Variants in RIMS2 observed in about 807,000 individuals in gnomAD.
The protein encoded by RIMS2 is regulating synaptic membrane exocytosis 2.
A neutral mutation model predicts 174.4 loss-of-function variants in RIMS2; 59 were observed. The observed-to-expected ratio is 0.34, with a 90% CI of 0.27 to 0.42. The LOEUF is 0.42. Among genes scored for constraint, RIMS2 ranks in the 10% least tolerant of loss-of-function variants. The pLI is 1.00. For synonymous variants in RIMS2, 606 were observed against 572.5 expected (o/e 1.06, Z -0.84); for missense variants, 1,620 against 1,666.3 (o/e 0.97, Z 0.48).
At chr8:103,542,116 G>C (rs1368734081) in intron 1 of RIMS2, among the ~76,000 whole-genome samples, 1 of 151,956 alleles carries the variant, frequency 6.6e-6, no homozygotes, top group African/African-American at 2.4e-5. Context: ...ATGAAAAGAA[G>C]AGAAGACTCC....
intron 19 of RIMS2, among the ~76,000 whole-genome samples, chr8:104,079,598 G>GATAT (rs5893676): frequency 0.021 from 1,062 of 50,736 alleles, 38 homozygotes; most frequent in Non-Finnish European, 0.029. Flanking sequence ...GATTAAGCAT[G>GATAT]ATATATATAT....
intron 1 of RIMS2, among the ~76,000 whole-genome samples, chr8:103,603,446 C>T (rs868478955): frequency 1.4e-5 from 2 of 147,952 alleles, no homozygotes; most frequent in African/African-American, 5.0e-5. Flanking sequence ...TGAATAATGC[C>T]ACAATAAACA....
chr8:104,148,952 A>C, intron 19 of RIMS2, 104 bp downstream of exon 25: 1 of 1,200,760 alleles, frequency 8.3e-7, no homozygotes, highest in Non-Finnish European at 1.2e-6. Flanking sequence ...GGATGATGAC[A>C]TGTTCCAGAG....
intron 19 of RIMS2, among the ~76,000 whole-genome samples, chr8:104,091,856 C>A (rs979748843): frequency 6.6e-6 from 1 of 151,394 alleles, no homozygotes; most frequent in Non-Finnish European, 1.5e-5. Flanking sequence ...TAAAATTAAA[C>A]CCTATGGTTC....
At chr8:104,254,118 AATT>A (rs143954005), downstream of RIMS2, 407 of 152,246 alleles carry the variant, frequency 2.7e-3, 3 homozygotes, top group African/African-American at 9.2e-3. Flanking sequence ...TTCCTATACA[AATT>A]ATTTCTAATT....
intron 3 of RIMS2, among the ~76,000 whole-genome samples, chr8:103,810,798 C>T (rs1467746550): frequency 6.6e-6 from 1 of 152,026 alleles, no homozygotes; most frequent in Non-Finnish European, 1.5e-5. Context: ...TCCCTCACCG[C>T]CTTTTTTCAT....
chr8:103,649,667 G>C (rs1240868189), intron 1 of RIMS2, among the ~76,000 whole-genome samples: 1 of 120,572 alleles, frequency 8.3e-6, no homozygotes. Context: ...TTTTCTTTCT[G>C]TTCTTGTATG....
chr8:103,548,004 TTTAA>T (rs1244098908), intron 1 of RIMS2, among the ~76,000 whole-genome samples: 2 of 152,092 alleles, frequency 1.3e-5, no homozygotes, highest in Non-Finnish European at 2.9e-5. Flanking sequence ...AATTCTGAAA[TTTAA>T]TTAGTAATAA....
At chr8:103,988,233 C>T (rs904024239) in intron 16 of RIMS2, among the ~76,000 whole-genome samples, 2 of 152,112 alleles carry the variant, frequency 1.3e-5, no homozygotes, top group African/African-American at 2.4e-5. Flanking sequence ...ACATTTACAG[C>T]GATATTTGTA....
intron 3 of RIMS2, among the ~76,000 whole-genome samples, chr8:103,785,026 A>T (rs1261151162): frequency 1.4e-5 from 2 of 140,764 alleles, no homozygotes; most frequent in East Asian, 2.0e-4. Flanking sequence ...ATTCTCTTTG[A>T]AGCAATTGTG....
intron 2 of RIMS2, among the ~76,000 whole-genome samples, chr8:103,720,949 T>C (rs185854203): frequency 6.2e-4 from 95 of 152,310 alleles, no homozygotes; most frequent in Admixed American, 2.6e-3. Context: ...CTTGATATGA[T>C]TCGGATTTGT....
At chr8:104,234,803 G>C (rs1357804851) in intron 19 of RIMS2, among the ~76,000 whole-genome samples, 1 of 152,108 alleles carries the variant, frequency 6.6e-6, no homozygotes, top group East Asian at 1.9e-4. Context: ...CCTCTGGCTT[G>C]ATCCCTCTGT....
At chr8:103,548,894 A>G (rs537554171) in intron 1 of RIMS2, among the ~76,000 whole-genome samples, 1 of 152,338 alleles carries the variant, frequency 6.6e-6, no homozygotes, top group African/African-American at 2.4e-5. Flanking sequence ...CTGAAAGCCA[A>G]GTCAAGAATG....
chr8:103,998,227 T>C (rs2095224672), intron 17 of RIMS2: 1 of 1,609,900 alleles, frequency 6.2e-7, no homozygotes, highest in African/African-American at 1.3e-5. Flanking sequence ...GTCAGACCAT[T>C]GACCATCATC....
intron 4 of RIMS2, among the ~76,000 whole-genome samples, chr8:103,901,884 C>T (rs910488876): frequency 1.3e-5 from 2 of 152,134 alleles, no homozygotes; most frequent in African/African-American, 4.8e-5. Context: ...GGTTTGGTTC[C>T]TATTCTAAAA....
chr8:103,519,777 G>C (rs1279237543), intron 1 of RIMS2, among the ~76,000 whole-genome samples: 9 of 145,162 alleles, frequency 6.2e-5, no homozygotes, highest in African/African-American at 2.0e-4. Context: ...ATTTACCAGA[G>C]CCAGAAACAT....
intron 19 of RIMS2, among the ~76,000 whole-genome samples, chr8:104,110,788 C>T (rs1419215172): frequency 1.3e-5 from 2 of 152,160 alleles, no homozygotes; most frequent in Non-Finnish European, 1.5e-5. Flanking sequence ...AACTACTACA[C>T]ATACAGTCCT....
intron 2 of RIMS2, among the ~76,000 whole-genome samples, chr8:103,755,055 A>T (rs1328783113): frequency 6.6e-6 from 1 of 152,160 alleles, no homozygotes; most frequent in African/African-American, 2.4e-5. Flanking sequence ...ATGTTTTTGC[A>T]GTGGCTGGTA....
At chr8:103,899,253 G>C (rs946258291) in intron 4 of RIMS2, among the ~76,000 whole-genome samples, 2 of 151,620 alleles carry the variant, frequency 1.3e-5, no homozygotes, top group African/African-American at 4.9e-5. Context: ...GGGATGGCTG[G>C]GTCAAATGGT....
Sources: allele counts gnomAD v4.1 joint callset (sites outside exome capture counted in the v4.1 genomes callset), GRCh38; gene constraint gnomAD v4.1.1; transcripts MANE v1.5; gene names NCBI Gene and HGNC (gene_info 2026-07-23, HGNC 2026-07-21).